ARMCX1: variants seen among roughly 807,000 people sequenced by gnomAD.
The protein encoded by ARMCX1 is armadillo repeat-containing X-linked protein 1.
In ARMCX1, 4 loss-of-function variants were observed where a neutral mutation model predicts 15.4. The ratio of observed to expected loss-of-function variants is 0.26; its 90% CI spans 0.13 to 0.59. The LOEUF (loss-of-function observed/expected upper bound fraction) is 0.59, where lower values mean the gene tolerates loss of function less well. ARMCX1 is among the 20% of genes least tolerant of loss of function. ARMCX1 has a pLI of 0.89. For missense variants in ARMCX1, 273 were observed against 337.1 expected, an observed-to-expected ratio of 0.81 and a Z score of 1.49; for synonymous variants, 144 against 130.5, an observed-to-expected ratio of 1.10 and a Z score of -0.71.
rs1556027468 is a variant in ARMCX1 at position 101,553,852 on chromosome X, G to A, written c.922G>A (p.Gly308Arg). 1 of 1,211,387 alleles carries A rather than the reference G, an allele frequency of 8.3e-7. No homozygotes were observed. The change falls in exon 4 of 4, where the codon GGG becomes AGG. Residue 308 changes from glycine to arginine, a missense_variant. By Grantham distance (125) the Gly-to-Arg change is moderately radical. Transcript: ENST00000372829. ...CTTGGACTCAGCTGTGCAGATGGCTGGGCTAAGACTGTTAACCAACATGAC... is the reference window on the plus strand; with the variant it reads ...CTTGGACTCAGCTGTGCAGATGGCTAGGCTAAGACTGTTAACCAACATGAC... ...CRLDSAVQMA[G>R]LRLLTNMTVT...
Position 101,553,913 on chromosome X carries a change from C to A in ARMCX1, c.983C>A (p.Ser328Tyr). The A allele has an allele frequency of 8.3e-7, 1 of 1,211,184 alleles. No individual in the cohort carries two copies. The highest frequency in any genetic ancestry group is 1.1e-6 in the Non-Finnish European group (1 of 895,314). Residue 328 changes from serine (S) to tyrosine (Y), a missense_variant, in exon 4 of 4, where the codon TCT becomes TAT. This residue lies in a region of ARMCX1 where 126 missense variants were observed against 193.6 expected (regional missense o/e 0.65). Coordinates refer to ENST00000372829, the MANE Select transcript of ARMCX1 (RefSeq NM_016608.2). The stretch of plus-strand genomic sequence containing the variant: ...CATTACCAACATTTGCTTTCCTATT[C>A]TTTTCCAGACTTTTTTGCTTTGTTA... ...TNHYQHLLSY[S>Y]FPDFFALLFL...
At chrX:101,550,754 C>G (rs147594885) in intron 1 of ARMCX1, 94 bp downstream of exon 1, 2 of 111,812 alleles carry the variant, frequency 1.8e-5, no homozygotes, top group Non-Finnish European at 3.8e-5. Context: ...TTTCTCCAAA[C>G]CCTTGCAGTA....
chrX:101,551,137 T>C (rs1556026860), intron 2 of ARMCX1, 113 bp downstream of exon 2: 2 of 110,997 alleles, frequency 1.8e-5, no homozygotes, highest in Non-Finnish European at 3.8e-5. Context: ...TGCCATTTTT[T>C]TTTTCTTCAG....
intron 2 of ARMCX1, among the ~76,000 whole-genome samples, chrX:101,551,291 T>C (rs1556026893): frequency 9.3e-6 from 1 of 108,024 alleles, no homozygotes; most frequent in Admixed American, 9.8e-5. Context: ...CCGCTTCCAG[T>C]GGTTTGAAAG....
Position 101,553,464 on chromosome X carries a change from C to T in ARMCX1, c.534C>T (p.Thr178=), listed in dbSNP as rs1556027395. ...KSKGKARSKS[T]RAPATTWPVR... is the part of the protein sequence containing the mutation. Reference sequence around the variant, plus strand: ...AGGGAAAGGCCCGAAGTAAGAGCACCAGGGCTCCAGCTACAACATGGCCTG... The same window carrying T: ...AGGGAAAGGCCCGAAGTAAGAGCACTAGGGCTCCAGCTACAACATGGCCTG... The change falls in exon 4 of 4, where the codon ACC becomes ACT. Residue 178 remains threonine, a synonymous_variant. Coordinates refer to ENST00000372829, the MANE Select transcript of ARMCX1 (RefSeq NM_016608.2). The T allele has an allele frequency of 2.5e-6, 3 of 1,208,178 alleles. No homozygotes were observed. Among genetic ancestry groups the T allele is most frequent in the South Asian group, 3.6e-5 (2 of 56,257 alleles).
intron 3 of ARMCX1, 33 bp from the exon 4 acceptor site, chrX:101,552,776 G>A: frequency 1.9e-6 from 1 of 536,863 alleles, no homozygotes; most frequent in Admixed American, 4.2e-5. Flanking sequence ...ACAAAAAGGA[G>A]CCTGAAATCT....
At chrX:101,552,015 T>TCG (rs1434762707) in intron 3 of ARMCX1, among the ~76,000 whole-genome samples, 1 of 8,079 alleles carries the variant, frequency 1.2e-4, no homozygotes, top group African/African-American at 5.3e-4. Flanking sequence ...TGACACGGGG[T>TCG]GGGGGGGGGG....
Position 101,553,606 on chromosome X carries a change from G to A in ARMCX1, c.676G>A (p.Ala226Thr). ...AAATGATCCTTTTATTCAAGAAGTAGCCTTGGTCACTCTGGGTAACAATGC... is the reference window on the plus strand; with the variant it reads ...AAATGATCCTTTTATTCAAGAAGTAACCTTGGTCACTCTGGGTAACAATGC... ...RTNDPFIQEV[A>T]LVTLGNNAAY... The change falls in exon 4 of 4, where the codon GCC (alanine) becomes ACC (threonine). Residue 226 changes from alanine (A) to threonine (T), a missense_variant. By Grantham distance (58) the Ala-to-Thr change is moderately conservative. Around this residue, in one of 2 missense-constraint regions of ARMCX1, gnomAD observed 126 missense variants for 193.6 expected, o/e 0.65. Coordinates refer to ENST00000372829, the MANE Select transcript of ARMCX1 (RefSeq NM_016608.2). The A allele has an allele frequency of 2.5e-6, 3 of 1,211,672 alleles. No homozygotes were observed. The highest frequency in any genetic ancestry group is 3.4e-6 in the Non-Finnish European group (3 of 895,300).
At position 101,550,562 on chromosome X, in the gene ARMCX1, G is replaced by A. The variant is rs1443754861; in HGVS notation, c.-340G>A. The A allele has an allele frequency of 2.7e-5, 3 of 111,612 alleles. No individual in the cohort carries two copies. The highest frequency in any genetic ancestry group is 5.6e-5 in the Non-Finnish European group (3 of 53,112). 9.2% of individuals were successfully genotyped at this position (111,612 alleles called of 1,213,427 possible). On this transcript the variant is annotated 5_prime_UTR_variant, in exon 1 of 4. Coordinates refer to ENST00000372829, the MANE Select transcript of ARMCX1 (RefSeq NM_016608.2). ...GCGTGCAGACGTCCTTCTAATCCTA[G>A]TCTTCGTTTGGTCCGGTTGCACTCT...
chrX:101,552,041 G>A (rs1556027045), intron 3 of ARMCX1, among the ~76,000 whole-genome samples: 1 of 98,061 alleles, frequency 1.0e-5, no homozygotes, highest in Admixed American at 1.1e-4. Context: ...CGGTGTCCTG[G>A]TACATTTGAG....
At chrX:101,552,786 T>C in intron 3 of ARMCX1, 23 bp from the exon 4 acceptor site, 1 of 605,200 alleles carries the variant, frequency 1.7e-6, no homozygotes, top group East Asian at 3.6e-5. Flanking sequence ...GCCTGAAATC[T>C]GAAATGCATC....
chrX:101,553,975 A>G lies in ARMCX1; in HGVS notation c.1045A>G (p.Lys349Glu), dbSNP rs1556027482. Reference protein sequence around the residue: ...GNHFTKIQIMKLIINFTENPA... With the variant: ...GNHFTKIQIMELIINFTENPA... ...TCACTTCACCAAGATACAGATTATGAAACTAATTATAAACTTTACTGAAAA... is the reference window on the plus strand; with the variant it reads ...TCACTTCACCAAGATACAGATTATGGAACTAATTATAAACTTTACTGAAAA... The change falls in exon 4 of 4, where the codon AAA becomes GAA. Residue 349 changes from lysine to glutamate, a missense_variant. Around this residue, in one of 2 missense-constraint regions of ARMCX1, gnomAD observed 126 missense variants for 193.6 expected, o/e 0.65. Transcript: ENST00000372829. 1.7e-6 allele frequency: 2 copies of G among 1,209,188 alleles called. No homozygotes were observed. Among genetic ancestry groups the G allele is most frequent in the African/African-American group, 1.7e-5 (1 of 57,218 alleles).
At position 101,552,891 on chromosome X, in the gene ARMCX1, TG is replaced by T. The variant is rs1246072581; in HGVS notation, c.-39del. ...GCGCTTCTCTGGGCCAGAGCGAGCCTGTTTTGTGCTCGGGTTAAGAGATTTG... is the reference window on the plus strand; with the variant it reads ...GCGCTTCTCTGGGCCAGAGCGAGCCTTTTTGTGCTCGGGTTAAGAGATTTG... On this transcript the variant is annotated 5_prime_UTR_variant, in exon 4 of 4. Coordinates refer to ENST00000372829, the MANE Select transcript of ARMCX1 (RefSeq NM_016608.2). 8.5e-7 allele frequency: 1 copy of T among 1,176,876 alleles called. No individual in the cohort carries two copies. Among genetic ancestry groups the T allele is most frequent in the Non-Finnish European group, 1.1e-6 (1 of 877,306 alleles).
At position 101,554,442 on chromosome X, in the gene ARMCX1, G is replaced by T; in HGVS notation, c.*150G>T. Reference sequence around the variant, plus strand: ...ACTATCATATATCATAACAGTGACTGATGTTGGTTGTAATGGTTGGGTTTA... The same window carrying T: ...ACTATCATATATCATAACAGTGACTTATGTTGGTTGTAATGGTTGGGTTTA... On this transcript the variant is annotated 3_prime_UTR_variant, in exon 4 of 4. Coordinates refer to ENST00000372829, the MANE Select transcript of ARMCX1 (RefSeq NM_016608.2). 1.8e-6 allele frequency: 1 copy of T among 558,650 alleles called. No individual in the cohort carries two copies. 46.0% of individuals were successfully genotyped at this position (558,650 alleles called of 1,213,427 possible).
At chrX:101,551,360 C>CG (rs1935378835) in intron 2 of ARMCX1, among the ~76,000 whole-genome samples, 1 of 109,715 alleles carries the variant, frequency 9.1e-6, no homozygotes, top group African/African-American at 3.3e-5. Context: ...GAGTGAGGGC[C>CG]GGGGGCGGGG....
Position 101,552,929 on chromosome X carries a change from C to T in ARMCX1, c.-2C>T, listed in dbSNP as rs1320194732. 8.3e-7 allele frequency: 1 copy of T among 1,205,213 alleles called. No individual in the cohort carries two copies. The highest frequency in any genetic ancestry group is 1.7e-5 in the African/African-American group (1 of 57,209). On this transcript the variant is annotated 5_prime_UTR_variant, in exon 4 of 4. Coordinates refer to ENST00000372829, the MANE Select transcript of ARMCX1 (RefSeq NM_016608.2). ...GGTTAAGAGATTTGTCCCAGCTATA[C>T]CATGGGCCGCACTCGGGAAGCTGGC...
At position 101,554,634 on chromosome X, in the gene ARMCX1, T is replaced by C. The variant is rs1480496969; in HGVS notation, c.*342T>C. ...CATAAGCTACACTTTTATATTAGTT[T>C]ATATTTGTTATTCTAAGACTTGTGT... On this transcript the variant is annotated 3_prime_UTR_variant, in exon 4 of 4. Coordinates refer to ENST00000372829, the MANE Select transcript of ARMCX1 (RefSeq NM_016608.2). 4 of 146,351 alleles carry C rather than the reference T, an allele frequency of 2.7e-5. No individual in the cohort carries two copies. The highest frequency in any genetic ancestry group is 1.3e-4 in the African/African-American group (4 of 31,653). 12.1% of individuals were successfully genotyped at this position (146,351 alleles called of 1,213,427 possible). A position where few individuals can be genotyped will look rare whatever the true frequency, so the allele number is the denominator to read the frequency against.
chrX:101,554,204 G>C lies in ARMCX1; in HGVS notation c.1274G>C (p.Gly425Ala). The C allele has an allele frequency of 1.7e-6, 2 of 1,208,057 alleles. No individual in the cohort carries two copies. Among genetic ancestry groups the C allele is most frequent in the Non-Finnish European group, 2.2e-6 (2 of 894,114 alleles). ...CTTTTTTTCTTATTCAAAGAGTCTG[G>C]AGTTTGTGTTAAGAAAATCAAAGCA... The part of the protein sequence containing the change: ...SSLFFLFKES[G>A]VCVKKIKALA... The change falls in exon 4 of 4, where the codon GGA (glycine) becomes GCA (alanine). Residue 425 changes from glycine to alanine, a missense_variant. This residue lies in a region of ARMCX1 where 126 missense variants were observed against 193.6 expected (regional missense o/e 0.65). Coordinates refer to ENST00000372829, the MANE Select transcript of ARMCX1 (RefSeq NM_016608.2).
In ARMCX1 at chrX:101,553,788, G is replaced by A. The variant is rs782039307; in HGVS notation, c.858G>A (p.Thr286=). The A allele has an allele frequency of 3.3e-6, 4 of 1,211,650 alleles. No homozygotes were observed. Among genetic ancestry groups the A allele is most frequent in the South Asian group, 1.8e-5 (1 of 56,933 alleles). The change falls in exon 4 of 4, where the codon ACG becomes ACA. Residue 286 remains threonine, a synonymous_variant. Coordinates refer to ENST00000372829, the MANE Select transcript of ARMCX1 (RefSeq NM_016608.2). ...CAGAAAATCAGGGCAAGATTAAGAC[G>A]TACATCAGTCAAGTGTGTGATGACA... The part of the protein sequence containing the change: ...VNAENQGKIK[T]YISQVCDDTM...
Sources: allele counts gnomAD v4.1 joint callset (sites outside exome capture counted in the v4.1 genomes callset), GRCh38; gene constraint gnomAD v4.1.1; regional missense constraint gnomAD v4.1.1; transcripts MANE v1.5; gene names NCBI Gene and HGNC (gene_info 2026-07-23, HGNC 2026-07-21).